The following THSD7A variants were observed in gnomAD, a reference collection of about 807,000 sequenced individuals.
THSD7A encodes thrombospondin type 1 domain containing 7A, also known as thrombospondin type-1 domain-containing protein 7A.
A neutral mutation model predicts 231.3 loss-of-function variants in THSD7A; 96 were observed. That is an observed-to-expected ratio of 0.41 (90% CI 0.35 to 0.49). THSD7A has a LOEUF of 0.49. Ranked by LOEUF, THSD7A falls within the 20% of genes least tolerant of loss-of-function variation. The probability of loss-of-function intolerance (pLI) is 0.05; values close to 1 mark genes in which losing one functional copy is unlikely to be tolerated. For missense variants in THSD7A, 2,290 were observed against 2,070.2 expected (o/e 1.11, Z -2.06); for synonymous variants, 940 against 743.3 (o/e 1.26, Z -4.30).
At position 11,826,788 on chromosome 7, in the gene THSD7A, G is replaced by C. The variant is rs1258940283; in HGVS notation, c.190+4969C>G. ...GATCATGCCACTGTACTCCAGCCTG[G>C]GCAAAAAGAGTGAGCCTCTGTCTCA... On this transcript the variant is annotated intron_variant, in intron 1 of 27. Coordinates refer to ENST00000423059, the MANE Select transcript of THSD7A (RefSeq NM_015204.3). Among the ~76,000 whole-genome samples, 4 of 143,594 alleles carry C rather than the reference G, an allele frequency of 2.8e-5. No individual in the cohort carries two copies. The East Asian group carries it at 6.1e-4, about 22-fold the overall frequency. 94.2% of individuals were successfully genotyped at this position (143,594 alleles called of 152,430 possible).
At chr7:11,437,102 A>G (rs990720020) in intron 13 of THSD7A, among the ~76,000 whole-genome samples, 5 of 152,116 alleles carry the variant, frequency 3.3e-5, no homozygotes, top group African/African-American at 1.2e-4. Context: ...ATAAGGACAC[A>G]GGATCTATTG....
chr7:11,554,201 C>T (rs1370078281), intron 4 of THSD7A, among the ~76,000 whole-genome samples: 1 of 151,912 alleles, frequency 6.6e-6, no homozygotes, highest in Non-Finnish European at 1.5e-5. Flanking sequence ...GAAATAAGGC[C>T]TTTGCAAACG....
At chr7:11,412,387 G>A (rs756476992) in intron 18 of THSD7A, among the ~76,000 whole-genome samples, 1 of 152,110 alleles carries the variant, frequency 6.6e-6, no homozygotes, top group Non-Finnish European at 1.5e-5. Flanking sequence ...CGAAGTGAGA[G>A]GTTGTCTTAT....
intron 1 of THSD7A, among the ~76,000 whole-genome samples, chr7:11,643,613 A>G (rs1326138626): frequency 2.0e-5 from 3 of 151,538 alleles, no homozygotes; most frequent in Non-Finnish European, 4.4e-5. Context: ...GCACACACAC[A>G]CACACACACA....
chr7:11,528,003 CTTAAA>C (rs1387175441), intron 6 of THSD7A, among the ~76,000 whole-genome samples: 2 of 152,130 alleles, frequency 1.3e-5, no homozygotes, highest in South Asian at 4.2e-4. Context: ...AAAATAAAAA[CTTAAA>C]TTAAAACAAC....
In THSD7A at chr7:11,553,484, T is replaced by C. The variant is rs570272176; in HGVS notation, c.1454-10367A>G. The stretch of plus-strand genomic sequence containing the variant: ...CTAGGAAAAATTACTGGATTTCAGT[T>C]TATACTGAGATTTCTATTTTCTAGA... On this transcript the variant is annotated intron_variant, in intron 4 of 27. Transcript: ENST00000423059. Among the ~76,000 whole-genome samples the C allele has an allele frequency of 2.0e-5, 3 of 152,220 alleles. No homozygotes were observed. The South Asian group carries it at 6.2e-4, about 32-fold the overall frequency.
In THSD7A at chr7:11,565,348, C is replaced by T. The variant is rs115592620; in HGVS notation, c.1454-22231G>A. ...AGCTCCACACATTTGCTGAGCAACT[C>T]CAAATATAATTATTTATCACAAAAA... On this transcript the variant is annotated intron_variant, in intron 4 of 27. Transcript: ENST00000423059. Among the ~76,000 whole-genome samples, 1,026 of 152,270 alleles carry T rather than the reference C, an allele frequency of 6.7e-3. 4 individuals carry two copies. The highest frequency in any genetic ancestry group is 0.023 in the African/African-American group (956 of 41,558).
intron 4 of THSD7A, among the ~76,000 whole-genome samples, chr7:11,564,948 T>G (rs1189186578): frequency 6.6e-6 from 1 of 152,204 alleles, no homozygotes; most frequent in Non-Finnish European, 1.5e-5. Context: ...GAATTTAAAT[T>G]TCACAAATTG....
chr7:11,561,128 G>C (rs1034739), intron 4 of THSD7A, among the ~76,000 whole-genome samples: 4 of 151,898 alleles, frequency 2.6e-5, no homozygotes, highest in African/African-American at 9.7e-5. Context: ...AGTCTTCAGT[G>C]TGTATGTACC....
intron 13 of THSD7A, among the ~76,000 whole-genome samples, chr7:11,434,586 T>C (rs1784574116): frequency 6.6e-6 from 1 of 152,148 alleles, no homozygotes; most frequent in African/African-American, 2.4e-5. Flanking sequence ...TTCTGATTTA[T>C]AGCTGTGTGA....
chr7:11,477,959 C>T (rs1329606656), intron 7 of THSD7A, among the ~76,000 whole-genome samples: 1 of 152,120 alleles, frequency 6.6e-6, no homozygotes, highest in African/African-American at 2.4e-5. Flanking sequence ...ACAAATTGAA[C>T]ACCATGAATT....
rs1784916457 is a variant in THSD7A, at chr7:11,444,878, C to A, written c.3064+1183G>T. Among the ~76,000 whole-genome samples the A allele has an allele frequency of 2.7e-5, 4 of 145,658 alleles. No homozygotes were observed. The Admixed American group carries it at 2.8e-4, about 10-fold the overall frequency. Reference sequence around the variant, plus strand: ...TATATAAAACTATCATTATATATAACTATTTTATATATATATAAAATGCTG... The same window carrying A: ...TATATAAAACTATCATTATATATAAATATTTTATATATATATAAAATGCTG... On this transcript the variant is annotated intron_variant, in intron 13 of 27. Transcript: ENST00000423059. This position sits in a 1 kb window ranked among gnomAD's most constrained non-coding sequence, Gnocchi z 4.2.
intron 13 of THSD7A, among the ~76,000 whole-genome samples, chr7:11,431,321 A>G (rs1784471472): frequency 6.6e-6 from 1 of 152,286 alleles, no homozygotes; most frequent in South Asian, 2.1e-4. Flanking sequence ...AGAGAATTTA[A>G]TAGTTTTAGC....
intron 1 of THSD7A, among the ~76,000 whole-genome samples, chr7:11,797,451 C>G (rs1368995548): frequency 9.0e-6 from 1 of 110,956 alleles, no homozygotes; most frequent in Non-Finnish European, 1.7e-5. Context: ...GGGTCGTGTT[C>G]TGTAACCCAC....
Position 11,373,605 on chromosome 7 carries a change from T to C in THSD7A, c.*2189A>G, listed in dbSNP as rs1782145417. On this transcript the variant is annotated 3_prime_UTR_variant, in exon 28 of 28. Coordinates refer to ENST00000423059, the MANE Select transcript of THSD7A (RefSeq NM_015204.3). ...TTTACATTTCCTAATATAGTGAATA[T>C]TGAATGAGGAATTAGCGCTTACTGC... is the stretch of plus-strand genomic sequence containing the variant. 6.6e-6 allele frequency: 1 copy of C among 152,064 alleles called. No homozygotes were observed. Among genetic ancestry groups the C allele is most frequent in the Non-Finnish European group, 1.5e-5 (1 of 67,982 alleles). The allele number at this position is 152,064 out of a possible 1,614,324, so 9.4% of individuals were successfully genotyped here. A position where few individuals can be genotyped will look rare whatever the true frequency, so the allele number is the denominator to read the frequency against.
At chr7:11,730,172 T>A (rs1461198811) in intron 1 of THSD7A, among the ~76,000 whole-genome samples, 1 of 151,646 alleles carries the variant, frequency 6.6e-6, no homozygotes, top group African/African-American at 2.4e-5. Flanking sequence ...TTAACTGAAC[T>A]CAGAACCAGA....
chr7:11,452,286 C>A (rs1328797495), intron 11 of THSD7A, among the ~76,000 whole-genome samples: 3 of 151,882 alleles, frequency 2.0e-5, no homozygotes, highest in Non-Finnish European at 2.9e-5. Context: ...ACCAAGAGAC[C>A]TAATTGTGCT....
At chr7:11,683,306 G>A (rs1027755762) in intron 1 of THSD7A, among the ~76,000 whole-genome samples, 5 of 151,830 alleles carry the variant, frequency 3.3e-5, no homozygotes, top group African/African-American at 4.8e-5. Context: ...ACAATCTAAT[G>A]TCATACCTAA....
chr7:11,654,191 A>C (rs1782620398), intron 1 of THSD7A, among the ~76,000 whole-genome samples: 2 of 151,920 alleles, frequency 1.3e-5, no homozygotes, highest in Admixed American at 1.3e-4. Context: ...GTTTCTTAAG[A>C]ATTAGATTCT....
Sources: allele counts gnomAD v4.1 joint callset (sites outside exome capture counted in the v4.1 genomes callset), GRCh38; gene constraint gnomAD v4.1.1; non-coding constraint Gnocchi (gnomAD v3.1); transcripts MANE v1.5; gene names NCBI Gene and HGNC (gene_info 2026-07-23, HGNC 2026-07-21).